CSMD1: variants seen among roughly 807,000 people sequenced by gnomAD.
The protein encoded by CSMD1 is CUB and Sushi multiple domains 1, also known as CUB and sushi domain-containing protein 1.
In CSMD1, 213 loss-of-function variants were observed where a neutral mutation model predicts 417.5. That is an observed-to-expected ratio of 0.51 (90% CI 0.46 to 0.57). The LOEUF (loss-of-function observed/expected upper bound fraction) is 0.57, where lower values mean the gene tolerates loss of function less well. CSMD1 is among the 20% of genes least tolerant of loss of function. The pLI is 0.00. For missense variants in CSMD1, 6,923 were observed against 4,529.7 expected, an observed-to-expected ratio of 1.53 and a Z score of -15.17; for synonymous variants, 2,862 against 1,736.8, an observed-to-expected ratio of 1.65 and a Z score of -16.11.
chr8:3,754,932 G>C (rs1797572986), intron 5 of CSMD1, among the ~76,000 whole-genome samples: 1 of 150,758 alleles, frequency 6.6e-6, no homozygotes, highest in Admixed American at 6.7e-5. Flanking sequence ...AAAGAGATTT[G>C]AAATGGAATA....
At chr8:3,585,301 G>C (rs914296101) in intron 9 of CSMD1, among the ~76,000 whole-genome samples, 4 of 152,112 alleles carry the variant, frequency 2.6e-5, no homozygotes, top group Non-Finnish European at 5.9e-5. Context: ...AAATGTATAA[G>C]TCCATTCACG....
chr8:4,047,923 T>C (rs571598113), intron 3 of CSMD1, among the ~76,000 whole-genome samples: 148 of 152,276 alleles, frequency 9.7e-4, no homozygotes, highest in Middle Eastern at 6.8e-3. Context: ...TTATAAAAAT[T>C]AGGATTGTTT....
chr8:3,284,585 G>A (rs1315273590), intron 25 of CSMD1: 1 of 512,890 alleles, frequency 1.9e-6, no homozygotes. Context: ...AGATAGGTGA[G>A]CTAGATGCTG....
chr8:2,996,176 G>A (rs1806879480), intron 54 of CSMD1, among the ~76,000 whole-genome samples: 1 of 149,000 alleles, frequency 6.7e-6, no homozygotes, highest in Admixed American at 6.7e-5. Flanking sequence ...GGACTTTAAT[G>A]GGAAAAAAGA....
intron 3 of CSMD1, among the ~76,000 whole-genome samples, chr8:4,100,520 G>T (rs1008587424): frequency 2.6e-5 from 4 of 152,134 alleles, no homozygotes; most frequent in Non-Finnish European, 5.9e-5. Flanking sequence ...TTAAAAATGG[G>T]TATCTTATAG....
Position 3,188,950 on chromosome 8 carries a change from C to T in CSMD1, c.5460G>A (p.Glu1820=), listed in dbSNP as rs1219324518. The change falls in exon 35 of 70, where the codon GAG becomes GAA. Residue 1820 remains glutamate (E), a synonymous_variant. Coordinates refer to ENST00000635120, the MANE Select transcript of CSMD1 (RefSeq NM_033225.6). ...RGTILSPGYP[E]PYGNNLNCIW... ...TACAGTTCAAGTTGTTTCCGTATGG[C>T]TCAGGGTAGCCGGGGGACAGGATTG... is the stretch of plus-strand genomic sequence containing the variant. 1 of 1,612,982 alleles carries T rather than the reference C, an allele frequency of 6.2e-7. No homozygotes were observed. The highest frequency in any genetic ancestry group is 1.3e-5 in the African/African-American group (1 of 75,018).
intron 41 of CSMD1, among the ~76,000 whole-genome samples, chr8:3,123,783 G>A (rs1817344290): frequency 6.6e-6 from 1 of 152,134 alleles, no homozygotes; most frequent in Non-Finnish European, 1.5e-5. Context: ...TGGTTCATAG[G>A]TACTCCTGGT....
intron 3 of CSMD1, among the ~76,000 whole-genome samples, chr8:4,219,188 G>A (rs1246551649): frequency 6.6e-6 from 1 of 152,092 alleles, no homozygotes; most frequent in African/African-American, 2.4e-5. Flanking sequence ...CCCGTGTTCT[G>A]CAGAATTTCT....
At chr8:4,137,909 G>A (rs916968780) in intron 3 of CSMD1, among the ~76,000 whole-genome samples, 1 of 151,278 alleles carries the variant, frequency 6.6e-6, no homozygotes, top group African/African-American at 2.4e-5. Flanking sequence ...ATGAAGTCTC[G>A]CTCTGTCGCC....
chr8:4,080,767 C>G (rs376616770), intron 3 of CSMD1, among the ~76,000 whole-genome samples: 7 of 152,104 alleles, frequency 4.6e-5, no homozygotes, highest in South Asian at 4.1e-4. Flanking sequence ...GTGAATAAGA[C>G]TGGGCTAAAT....
intron 26 of CSMD1, among the ~76,000 whole-genome samples, chr8:3,234,702 T>C (rs1234370979): frequency 6.6e-6 from 1 of 152,138 alleles, no homozygotes; most frequent in African/African-American, 2.4e-5. Context: ...ATGCAACACT[T>C]ACAGTTAGAA....
At chr8:3,522,310 G>A (rs529911874) in intron 10 of CSMD1, among the ~76,000 whole-genome samples, 47 of 152,266 alleles carry the variant, frequency 3.1e-4, no homozygotes, top group African/African-American at 1.1e-3. Flanking sequence ...TAAGAAAAAA[G>A]AGGAGAGGAA....
chr8:4,809,131 G>A (rs913102593), intron 1 of CSMD1, among the ~76,000 whole-genome samples: 2 of 152,172 alleles, frequency 1.3e-5, no homozygotes, highest in Non-Finnish European at 2.9e-5. Flanking sequence ...AGGAGCCATA[G>A]CTATTAATTC....
intron 2 of CSMD1, among the ~76,000 whole-genome samples, chr8:4,566,150 T>A (rs1366521612): frequency 6.6e-6 from 1 of 152,152 alleles, no homozygotes; most frequent in African/African-American, 2.4e-5. Flanking sequence ...TAAGAATGCA[T>A]CTTGCTATCA....
At chr8:4,302,598 G>A (rs1440925728) in intron 3 of CSMD1, among the ~76,000 whole-genome samples, 1 of 152,126 alleles carries the variant, frequency 6.6e-6, no homozygotes, top group Non-Finnish European at 1.5e-5. Context: ...GCACCGTAAG[G>A]GGATTCTCTC....
chr8:4,761,371 GGT>G (rs36015588), intron 1 of CSMD1, among the ~76,000 whole-genome samples: 118,860 of 150,786 alleles, frequency 0.79, 46,897 homozygotes, highest in Admixed American at 0.84. Flanking sequence ...CGTGTTACTT[GGT>G]GTGTGTGTGT....
chr8:4,969,882 G>A (rs371456688), intron 1 of CSMD1, among the ~76,000 whole-genome samples: 1 of 152,074 alleles, frequency 6.6e-6, no homozygotes, highest in Non-Finnish European at 1.5e-5. Flanking sequence ...CACTACGAGT[G>A]TATCAAAATA....
At chr8:3,679,504 A>G (rs1799543345) in intron 7 of CSMD1, among the ~76,000 whole-genome samples, 1 of 152,170 alleles carries the variant, frequency 6.6e-6, no homozygotes, top group African/African-American at 2.4e-5. Flanking sequence ...ATATATATTC[A>G]CCCAATACAG....
chr8:3,245,131 A>G (rs1177572285), intron 26 of CSMD1, among the ~76,000 whole-genome samples: 2 of 152,222 alleles, frequency 1.3e-5, no homozygotes, highest in Non-Finnish European at 2.9e-5. Flanking sequence ...GCATTAATGC[A>G]TTAATTGAGT....
Sources: gnomAD v4.1 joint callset for allele counts (sites outside exome capture counted in the v4.1 genomes callset) on GRCh38, gnomAD v4.1.1 for gene constraint, MANE v1.5 for transcripts, NCBI Gene and HGNC (gene_info 2026-07-23, HGNC 2026-07-21) for gene names.